B4GALNT4: variants seen among roughly 807,000 people sequenced by gnomAD.
B4GALNT4 encodes N-acetyl-beta-glucosaminyl-glycoprotein 4-beta-N-acetylgalactosaminyltransferase 1.
Under a neutral mutation model 110.0 loss-of-function variants are expected in B4GALNT4, and 77 were observed. The observed-to-expected ratio is 0.70, with a 90% confidence interval of 0.58 to 0.85. B4GALNT4 has a LOEUF of 0.85. Among genes scored for constraint, B4GALNT4 ranks in the 40% least tolerant of loss-of-function variants. The pLI, the probability that B4GALNT4 is intolerant of heterozygous loss-of-function variation, is 0.00. For synonymous variants in B4GALNT4, 785 were observed against 655.5 expected (o/e 1.20, Z -3.02); for missense variants, 1,575 against 1,506.0 (o/e 1.05, Z -0.76).
Position 379,557 on chromosome 11 carries a change from C to T in B4GALNT4, c.2344C>T (p.Pro782Ser), listed in dbSNP as rs1846827675. The part of the protein sequence containing the change: ...RLSEYVFLRL[P>S]GARVGDADGE... ...GTCCGAGTACGTCTTCCTGCGGCTG[C>T]CGGGAGCCCGCGTAGGGGATGCAGA... The change falls in exon 15 of 20, where the codon CCG (proline) becomes TCG (serine). Residue 782 changes from proline (P) to serine (S), a missense_variant. Physicochemically the swap from Pro to Ser is moderately conservative, Grantham distance 74. Coordinates refer to ENST00000329962, the MANE Select transcript of B4GALNT4 (RefSeq NM_178537.5). 1 of 1,587,298 alleles carries T rather than the reference C, an allele frequency of 6.3e-7. No individual in the cohort carries two copies. The highest frequency in any genetic ancestry group is 2.3e-5 in the East Asian group (1 of 43,866).
rs769146294 is a variant in B4GALNT4, at chr11:375,965, G to A, written c.1095+9G>A. On this transcript the variant is annotated intron_variant, in intron 11 of 19. Coordinates refer to ENST00000329962, the MANE Select transcript of B4GALNT4 (RefSeq NM_178537.5). ...ACCAGGGCCTGCAATTTGTGAGTGC[G>A]GCTGGAGACCCCGTCTCCCGTCCGG... The A allele has an allele frequency of 8.7e-6, 14 of 1,610,336 alleles. No homozygotes were observed. In the East Asian group the frequency reaches 1.1e-4, roughly 13 times the overall value.
chr11:381,382 T>G (rs111616893), intron 19 of B4GALNT4, among the ~76,000 whole-genome samples: 1,359 of 28,678 alleles, frequency 0.047, 9 homozygotes, highest in Admixed American at 0.077. Flanking sequence ...CGGCCCCGGG[T>G]TCCTGACCAC....
intron 4 of B4GALNT4, 27 bp from the exon 5 acceptor site, chr11:372,999 C>T (rs200819361): frequency 1.4e-5 from 23 of 1,612,366 alleles, no homozygotes; most frequent in East Asian, 1.3e-4. Context: ...CAGGGGGCTT[C>T]GACAGCAACA....
intron 1 of B4GALNT4, 40 bp from the exon 2 acceptor site, chr11:372,069 A>C: frequency 6.6e-7 from 1 of 1,507,572 alleles, no homozygotes. Context: ...GGCCTTGGAG[A>C]GAGCCTGGGC....
In B4GALNT4 at chr11:376,598, G is replaced by T; in HGVS notation, c.1475G>T (p.Arg492Leu). Residue 492 changes from arginine (R) to leucine (L), a missense_variant, in exon 14 of 20, where the codon CGG becomes CTG. Coordinates refer to ENST00000329962, the MANE Select transcript of B4GALNT4 (RefSeq NM_178537.5). The part of the protein sequence containing the change: ...PRDGGTPRHS[R>L]ALSWAARAAR... ...GACGGGGGGACCCCCAGGCACTCCC[G>T]GGCCCTGAGCTGGGCCGCCAGGGCC... 1 of 1,342,458 alleles carries T rather than the reference G, an allele frequency of 7.4e-7. No homozygotes were observed. The highest frequency in any genetic ancestry group is 9.5e-7 in the Non-Finnish European group (1 of 1,049,642). 83.2% of individuals were successfully genotyped at this position (1,342,458 alleles called of 1,614,324 possible).
chr11:380,662 G>T (rs756386919), intron 18 of B4GALNT4, 163 bp from the exon 19 acceptor site: 1 of 1,323,376 alleles, frequency 7.6e-7, no homozygotes, highest in Non-Finnish European at 1.1e-6. Flanking sequence ...TTTATGCACC[G>T]CGCTCCAGGG....
At position 372,757 on chromosome 11, in the gene B4GALNT4, G is replaced by A. The variant is rs200166318; in HGVS notation, c.348+3G>A. ...AGACACCCCCATGGCGGGAGGAGGT[G>A]AGCTGGCTCGGCCTGTAATGGGCTG... On this transcript the variant is annotated splice_donor_region_variant and intron_variant, in intron 3 of 19. Coordinates refer to ENST00000329962, the MANE Select transcript of B4GALNT4 (RefSeq NM_178537.5). The A allele has an allele frequency of 6.8e-6, 11 of 1,605,928 alleles. No individual in the cohort carries two copies. Among genetic ancestry groups the A allele is most frequent in the African/African-American group, 1.3e-5 (1 of 74,196 alleles).
At position 380,396 on chromosome 11, in the gene B4GALNT4, G is replaced by T. The variant is rs778813288; in HGVS notation, c.2820G>T (p.Ala940=). Residue 940 remains alanine, a synonymous_variant, in exon 18 of 20, where the codon GCG becomes GCT. Transcript: ENST00000329962. The part of the protein sequence containing the change: ...KHCVEGRLAF[A]PVVMRLSCGS... The stretch of plus-strand genomic sequence containing the variant: ...GCGTGGAGGGCAGGCTGGCCTTCGC[G>T]CCCGTGGTCATGCGCCTGAGCTGCG... 80 of 1,612,610 alleles carry T rather than the reference G, an allele frequency of 5.0e-5. 1 individual carries two copies. In the South Asian group the frequency reaches 8.6e-4, roughly 17 times the overall value.
chr11:375,862 C>A lies in B4GALNT4; in HGVS notation c.1001C>A (p.Ser334Tyr). Reference protein sequence around the residue: ...DTFFLTPRMESSSLENVLEPC... With the variant: ...DTFFLTPRMEYSSLENVLEPC... ...CCTCCTGCAGCTCCACGCATGGAAT[C>A]TTCGAGCCTGGAGAACGTGCTGGAG... Residue 334 changes from serine (S) to tyrosine (Y), a missense_variant, in exon 11 of 20, where the codon TCT (serine) becomes TAT (tyrosine). Transcript: ENST00000329962. 2 of 1,610,678 alleles carry A rather than the reference C, an allele frequency of 1.2e-6. No individual in the cohort carries two copies. The highest frequency in any genetic ancestry group is 1.1e-5 in the South Asian group (1 of 90,886).
In B4GALNT4 at chr11:372,195, C is replaced by T. The variant is rs376906010; in HGVS notation, c.238C>T (p.Arg80Cys). ...TQRAEDSSES[R>C]EEEQAPEGRD... The stretch of plus-strand genomic sequence containing the variant: ...GAGGGCTGAGGACTCCAGTGAGAGC[C>T]GTGAAGAGGAGCAAGCGGTGAGCAG... The change falls in exon 2 of 20, where the codon CGT becomes TGT. Residue 80 changes from arginine (R) to cysteine (C), a missense_variant. By Grantham distance (180) the Arg-to-Cys change is radical. Transcript: ENST00000329962. 36 of 1,550,040 alleles carry T rather than the reference C, an allele frequency of 2.3e-5. 1 individual carries two copies. Among genetic ancestry groups the T allele is most frequent in the Middle Eastern group, 1.7e-4 (1 of 6,006 alleles).
Position 373,413 on chromosome 11 carries a change from C to CA in B4GALNT4, c.637-36_637-35insA, listed in dbSNP as rs781234634. 1.9e-4 allele frequency: 205 copies of CA among 1,088,956 alleles called. 8 individuals are homozygous for CA. Among genetic ancestry groups the CA allele is most frequent in the South Asian group, 6.8e-4 (52 of 76,364 alleles). The allele number at this position is 1,088,956 out of a possible 1,614,324, so 67.5% of individuals were successfully genotyped here. A position where few individuals can be genotyped will look rare whatever the true frequency, so the allele number is the denominator to read the frequency against. Reference sequence around the variant, plus strand: ...TGTCCCCAGGGAGAGAGTGAACCCCCCCCCCCACCACCACCCCTGCTCTAT... The same window carrying CA: ...TGTCCCCAGGGAGAGAGTGAACCCCCACCCCCCACCACCACCCCTGCTCTAT... On this transcript the variant is annotated intron_variant, in intron 6 of 19. Transcript: ENST00000329962.
chr11:375,811 C>T (rs1489908725), intron 10 of B4GALNT4, 36 bp from the exon 11 acceptor site: 11 of 1,602,746 alleles, frequency 6.9e-6, no homozygotes, highest in Non-Finnish European at 8.5e-6. Flanking sequence ...GGCGGGGGTG[C>T]CTGCCCCAGC....
chr11:376,769 C>A lies in B4GALNT4; in HGVS notation c.1646C>A (p.Pro549His). The change falls in exon 14 of 20, where the codon CCC (proline) becomes CAC (histidine). Residue 549 changes from proline (P) to histidine (H), a missense_variant. By Grantham distance (77) the Pro-to-His change is moderately conservative. Coordinates refer to ENST00000329962, the MANE Select transcript of B4GALNT4 (RefSeq NM_178537.5). ...CCAGCGCCGCGTGCGCCCTGGCCGC[C>A]CTTCCCTGGCGTCTTCCTGCACCCC... is the stretch of plus-strand genomic sequence containing the variant. ...RAPAPRAPWP[P>H]FPGVFLHPRP... 2 of 1,385,952 alleles carry A rather than the reference C, an allele frequency of 1.4e-6. No individual in the cohort carries two copies. Among genetic ancestry groups the A allele is most frequent in the Non-Finnish European group, 1.9e-6 (2 of 1,073,286 alleles). 85.9% of individuals were successfully genotyped at this position (1,385,952 alleles called of 1,614,324 possible).
chr11:373,861 G>A (rs756267558), intron 8 of B4GALNT4, 33 bp downstream of exon 8: 4 of 1,601,590 alleles, frequency 2.5e-6, no homozygotes, highest in Non-Finnish European at 3.4e-6. Flanking sequence ...GGCTTCTGGA[G>A]ACTCCACTCC....
chr11:372,818 G>A (rs1379696340), intron 3 of B4GALNT4, 34 bp from the exon 4 acceptor site: 1 of 1,554,106 alleles, frequency 6.4e-7, no homozygotes, highest in South Asian at 1.2e-5. Context: ...GGGGGCGGCG[G>A]GCCGTGCAGA....
rs776495415 is a variant in B4GALNT4, at chr11:372,756, TG to T, written c.348+3del. On this transcript the variant is annotated splice_donor_region_variant and intron_variant, in intron 3 of 19. Transcript: ENST00000329962. ...CAGACACCCCCATGGCGGGAGGAGG[TG>T]AGCTGGCTCGGCCTGTAATGGGCTG... 3.5e-6 allele frequency: 5 copies of T among 1,437,520 alleles called. No homozygotes were observed. Among genetic ancestry groups the T allele is most frequent in the Non-Finnish European group, 3.7e-6 (4 of 1,088,570 alleles). The allele number at this position is 1,437,520 out of a possible 1,614,324, so 89.0% of individuals were successfully genotyped here. A position where few individuals can be genotyped will look rare whatever the true frequency, so the allele number is the denominator to read the frequency against.
In B4GALNT4 at chr11:381,777, CACGGGGGCGTCTTGAGG is replaced by C; in HGVS notation, c.3111_*7del. On this transcript the variant is annotated stop_lost and 3_prime_UTR_variant, in exon 20 of 20. Transcript: ENST00000329962. ...GCGTCCGCAGCAGGAAGGGCTCTCG[CACGGGGGCGTCTTGAGG>C]ACGGGCAGCCCCTCCCAGCCCCGGT... The C allele has an allele frequency of 6.3e-7, 1 of 1,582,256 alleles. No homozygotes were observed. Among genetic ancestry groups the C allele is most frequent in the Non-Finnish European group, 8.6e-7 (1 of 1,167,750 alleles).
chr11:373,546 A>C, intron 7 of B4GALNT4, 30 bp downstream of exon 7: 2 of 1,607,574 alleles, frequency 1.2e-6, no homozygotes, highest in South Asian at 2.2e-5. Flanking sequence ...ATGTGCGTGC[A>C]CTTGTGTATT....
chr11:380,169 C>T lies in B4GALNT4; in HGVS notation c.2682C>T (p.Ser894=), dbSNP rs1454126332. ...GACGAACCGGGAACTTCGAGCGCTC[C>T]GCCGGGCTGCAGGCGGGAGTGGACG... The part of the protein sequence containing the change: ...YLRRTGNFER[S]AGLQAGVDAV... Residue 894 remains serine, a synonymous_variant, in exon 17 of 20, where the codon TCC becomes TCT. Coordinates refer to ENST00000329962, the MANE Select transcript of B4GALNT4 (RefSeq NM_178537.5). 1.2e-6 allele frequency: 2 copies of T among 1,603,812 alleles called. No individual in the cohort carries two copies.
Sources: allele counts gnomAD v4.1 joint callset (sites outside exome capture counted in the v4.1 genomes callset), GRCh38; gene constraint gnomAD v4.1.1; transcripts MANE v1.5; gene names NCBI Gene and HGNC (gene_info 2026-07-23, HGNC 2026-07-21).